CHML: variants seen among roughly 807,000 people sequenced by gnomAD.
CHML encodes CHM like Rab escort protein.
CHML carries 20 observed loss-of-function variants against 30.4 expected under a neutral mutation model. The ratio of observed to expected loss-of-function variants is 0.66; its 90% CI spans 0.46 to 0.95. The LOEUF (loss-of-function observed/expected upper bound fraction) is 0.95. CHML is among the 40% of genes least tolerant of loss of function. The pLI is 0.00. For missense variants in CHML, 795 were observed against 768.5 expected (o/e 1.03, Z -0.41); for synonymous variants, 281 against 275.0 (o/e 1.02, Z -0.22).
intron 1 of CHML, among the ~76,000 whole-genome samples, chr1:241,639,618 G>T (rs536330824): frequency 3.3e-5 from 5 of 151,934 alleles, no homozygotes; most frequent in Non-Finnish European, 5.9e-5. Flanking sequence ...GGGTCAACGT[G>T]GGGGGCAGAT....
At position 241,629,633 on chromosome 1, in the gene CHML, C is replaced by T. The variant is rs557431676; in HGVS notation, c.*4163G>A. 5.3e-5 allele frequency: 8 copies of T among 152,130 alleles called. No individual in the cohort carries two copies. In the South Asian group the frequency reaches 1.5e-3, roughly 28 times the overall value. 9.4% of individuals were successfully genotyped at this position (152,130 alleles called of 1,614,324 possible). ...TTTAAAACTTTTTCTCTTAGTTGAT[C>T]TACCTTGCCAATTGCCATGAAGTTC... On this transcript the variant is annotated 3_prime_UTR_variant, in exon 2 of 2. Coordinates refer to ENST00000366553, the MANE Select transcript of CHML (RefSeq NM_001381853.1).
rs755036403 is a variant in CHML, at chr1:241,640,044, G to A, written c.-470C>T. 17 of 1,612,852 alleles carry A rather than the reference G, an allele frequency of 1.1e-5. No homozygotes were observed. Among genetic ancestry groups the A allele is most frequent in the East Asian group, 4.5e-5 (2 of 44,672 alleles). Reference sequence around the variant, plus strand: ...AGGAGGTGAGTGGGAGTGCGGAGCCGCTGGAACTTGTAGTAGAGGACGAGC... The same window carrying A: ...AGGAGGTGAGTGGGAGTGCGGAGCCACTGGAACTTGTAGTAGAGGACGAGC... On this transcript the variant is annotated 5_prime_UTR_variant, in exon 1 of 2. Transcript: ENST00000366553.
At position 241,635,930 on chromosome 1, in the gene CHML, T is replaced by A. The variant is rs1014011304; in HGVS notation, c.-164A>T. 3.6e-5 allele frequency: 23 copies of A among 642,612 alleles called. No homozygotes were observed. In the Admixed American group the frequency reaches 7.8e-4, roughly 22 times the overall value. 39.8% of individuals were successfully genotyped at this position (642,612 alleles called of 1,614,324 possible). On this transcript the variant is annotated 5_prime_UTR_variant, in exon 2 of 2. Coordinates refer to ENST00000366553, the MANE Select transcript of CHML (RefSeq NM_001381853.1). ...CCCTTTTAAAATATTTTTTTTCTTA[T>A]AAGTCAGTAGCATAAAAACATGAGC...
Position 241,630,133 on chromosome 1 carries a change from T to G in CHML, c.*3663A>C, listed in dbSNP as rs538472015. The G allele has an allele frequency of 6.6e-5, 10 of 152,072 alleles. No individual in the cohort carries two copies. Among genetic ancestry groups the G allele is most frequent in the Non-Finnish European group, 1.3e-4 (9 of 67,944 alleles). The allele number at this position is 152,072 out of a possible 1,614,324, so 9.4% of individuals were successfully genotyped here. On this transcript the variant is annotated 3_prime_UTR_variant, in exon 2 of 2. Coordinates refer to ENST00000366553, the MANE Select transcript of CHML (RefSeq NM_001381853.1). ...TCCCCACAATAATTCTGTGAAGTAT[T>G]TCTCTTCTGTAGATGGTGAAATAGA...
In CHML at chr1:241,635,847, T is replaced by G; in HGVS notation, c.-81A>C. On this transcript the variant is annotated 5_prime_UTR_variant, in exon 2 of 2. Transcript: ENST00000366553. ...TATGCTGTAATAAAATCTGTCCTTC[T>G]GATGTTCCAGTTATCCCAGAAGCAC... is the stretch of plus-strand genomic sequence containing the variant. 3 of 1,392,360 alleles carry G rather than the reference T, an allele frequency of 2.2e-6. No homozygotes were observed. The South Asian group carries it at 4.2e-5, about 19-fold the overall frequency. The allele number at this position is 1,392,360 out of a possible 1,614,324, so 86.3% of individuals were successfully genotyped here.
Position 241,633,868 on chromosome 1 carries a change from T to C in CHML, c.1899A>G (p.Val633=). 6.2e-7 allele frequency: 1 copy of C among 1,613,890 alleles called. No individual in the cohort carries two copies. Among genetic ancestry groups the C allele is most frequent in the Non-Finnish European group, 8.5e-7 (1 of 1,179,794 alleles). The change falls in exon 2 of 2, where the codon GTA becomes GTG. Residue 633 remains valine (V), a synonymous_variant. Transcript: ENST00000366553. ...KQPEAPGTNN[V]VMAKLESSEE... The stretch of plus-strand genomic sequence containing the variant: ...CAGAGGATTCTAGTTTGGCCATTAC[T>C]ACATTATTGGTTCCAGGAGCCTCTG...
intron 1 of CHML, among the ~76,000 whole-genome samples, chr1:241,637,106 C>T (rs1188772800): frequency 6.6e-6 from 1 of 152,188 alleles, no homozygotes; most frequent in Non-Finnish European, 1.5e-5. Flanking sequence ...AGTCTTTAGG[C>T]TAAAGCAACA....
chr1:241,639,005 T>C (rs968558917), intron 1 of CHML, among the ~76,000 whole-genome samples: 3 of 152,232 alleles, frequency 2.0e-5, no homozygotes, highest in African/African-American at 7.2e-5. Flanking sequence ...AAAAAAATAA[T>C]TTCCTTTCTA....
Position 241,639,938 on chromosome 1 carries a change from C to T in CHML, c.-364G>A. 1 of 1,607,770 alleles carries T rather than the reference C, an allele frequency of 6.2e-7. No individual in the cohort carries two copies. The highest frequency in any genetic ancestry group is 8.5e-7 in the Non-Finnish European group (1 of 1,177,368). On this transcript the variant is annotated 5_prime_UTR_variant, in exon 1 of 2. Coordinates refer to ENST00000366553, the MANE Select transcript of CHML (RefSeq NM_001381853.1). ...GCAGCCCACGGTGTCCCACACCCAG[C>T]CGTTCCTCAGGCAGGACACGAAGGT...
At position 241,639,886 on chromosome 1, in the gene CHML, G is replaced by T; in HGVS notation, c.-312C>A. 2 of 1,574,244 alleles carry T rather than the reference G, an allele frequency of 1.3e-6. No individual in the cohort carries two copies. The highest frequency in any genetic ancestry group is 1.7e-6 in the Non-Finnish European group (2 of 1,159,426). ...CCTTCTCCCAGTCCAACTCACCGAA[G>T]AGGCTGCCGCTAAACCCGTCCCACA... is the stretch of plus-strand genomic sequence containing the variant. On this transcript the variant is annotated 5_prime_UTR_variant, in exon 1 of 2. Coordinates refer to ENST00000366553, the MANE Select transcript of CHML (RefSeq NM_001381853.1).
Position 241,633,700 on chromosome 1 carries a change from C to G in CHML, c.*96G>C, listed in dbSNP as rs1383361280. Reference sequence around the variant, plus strand: ...TCTGCATAGCATTCATCATATATAACCACTTCTAATTACTCATATGGGAAA... The same window carrying G: ...TCTGCATAGCATTCATCATATATAAGCACTTCTAATTACTCATATGGGAAA... On this transcript the variant is annotated 3_prime_UTR_variant, in exon 2 of 2. Transcript: ENST00000366553. 2 of 1,283,474 alleles carry G rather than the reference C, an allele frequency of 1.6e-6. No homozygotes were observed. Among genetic ancestry groups the G allele is most frequent in the East Asian group, 2.3e-5 (1 of 43,516 alleles). The allele number at this position is 1,283,474 out of a possible 1,614,324, so 79.5% of individuals were successfully genotyped here. A position where few individuals can be genotyped will look rare whatever the true frequency, so the allele number is the denominator to read the frequency against.
At chr1:241,638,280 A>T (rs1206274178) in intron 1 of CHML, among the ~76,000 whole-genome samples, 1 of 152,170 alleles carries the variant, frequency 6.6e-6, no homozygotes, top group Non-Finnish European at 1.5e-5. Context: ...AAAAACAGGA[A>T]GGGAGAAGTG....
intron 1 of CHML, among the ~76,000 whole-genome samples, chr1:241,638,994 CA>C (rs1432676875): frequency 1.3e-5 from 2 of 152,238 alleles, no homozygotes; most frequent in East Asian, 1.9e-4. Context: ...CTGAGGCACA[CA>C]AAAAAATAAT....
chr1:241,629,551 T>C lies in CHML; in HGVS notation c.*4245A>G, dbSNP rs965571223. ...AAAAACTGAGTGCATCCATGTGTAA[T>C]GCAAATAGCTTCTTTTAAATTCCAT... On this transcript the variant is annotated 3_prime_UTR_variant, in exon 2 of 2. Transcript: ENST00000366553. The C allele has an allele frequency of 5.9e-5, 9 of 152,130 alleles. No individual in the cohort carries two copies. The highest frequency in any genetic ancestry group is 2.2e-4 in the African/African-American group (9 of 41,428). 9.4% of individuals were successfully genotyped at this position (152,130 alleles called of 1,614,324 possible).
rs1307434922 is a variant in CHML, at chr1:241,629,471, G to A, written c.*4325C>T. 4 of 152,016 alleles carry A rather than the reference G, an allele frequency of 2.6e-5. No homozygotes were observed. The highest frequency in any genetic ancestry group is 4.4e-5 in the Non-Finnish European group (3 of 67,954). The allele number at this position is 152,016 out of a possible 1,614,324, so 9.4% of individuals were successfully genotyped here. On this transcript the variant is annotated 3_prime_UTR_variant, in exon 2 of 2. Transcript: ENST00000366553. ...TTTTTTATATCATTTATACACGATC[G>A]CTTTATAAATTTGCCTAAGAGTACA...
At position 241,629,009 on chromosome 1, in the gene CHML, C is replaced by A. The variant is rs565778765; in HGVS notation, c.*4787G>T. On this transcript the variant is annotated 3_prime_UTR_variant, in exon 2 of 2. Coordinates refer to ENST00000366553, the MANE Select transcript of CHML (RefSeq NM_001381853.1). ...AAATTTTCACATGTATCAGTAAACA[C>A]AATTTATGTTCTTATTAACATTTTT... 1 of 152,686 alleles carries A rather than the reference C, an allele frequency of 6.5e-6. No individual in the cohort carries two copies. The highest frequency in any genetic ancestry group is 1.5e-5 in the Non-Finnish European group (1 of 68,006). 9.5% of individuals were successfully genotyped at this position (152,686 alleles called of 1,614,324 possible).
chr1:241,636,282 T>C (rs769272147), intron 1 of CHML, among the ~76,000 whole-genome samples: 3 of 152,170 alleles, frequency 2.0e-5, no homozygotes, highest in Admixed American at 6.5e-5. Context: ...TCAGGCAACA[T>C]AGTAATAGAG....
Position 241,633,981 on chromosome 1 carries a change from G to C in CHML, c.1786C>G (p.Leu596Val). The C allele has an allele frequency of 6.2e-7, 1 of 1,613,966 alleles. No homozygotes were observed. Among genetic ancestry groups the C allele is most frequent in the Non-Finnish European group, 8.5e-7 (1 of 1,179,888 alleles). The change falls in exon 2 of 2, where the codon CTT (leucine) becomes GTT (valine). Residue 596 changes from leucine to valine, a missense_variant. By Grantham distance (32) the Leu-to-Val change is conservative (BLOSUM62 1). Coordinates refer to ENST00000366553, the MANE Select transcript of CHML (RefSeq NM_001381853.1). Reference sequence around the variant, plus strand: ...TCAGTTGGAAAGATCTCCTGGAAAAGTGTTTCAGCTTGCTTGACAGCATGC... The same window carrying C: ...TCAGTTGGAAAGATCTCCTGGAAAACTGTTTCAGCTTGCTTGACAGCATGC... ...NEHAVKQAET[L>V]FQEIFPTEEF...
rs1271793272 is a variant in CHML, at chr1:241,632,986, G to T, written c.*810C>A. 1.3e-5 allele frequency: 2 copies of T among 152,126 alleles called. No homozygotes were observed. Among genetic ancestry groups the T allele is most frequent in the East Asian group, 3.9e-4 (2 of 5,176 alleles). 9.4% of individuals were successfully genotyped at this position (152,126 alleles called of 1,614,324 possible). On this transcript the variant is annotated 3_prime_UTR_variant, in exon 2 of 2. Transcript: ENST00000366553. ...TCCTTTTGGTCTAAGTTACTTATTGGAAGCTATTTTAAGTGCCAGGGCAGG... is the reference window on the plus strand; with the variant it reads ...TCCTTTTGGTCTAAGTTACTTATTGTAAGCTATTTTAAGTGCCAGGGCAGG...
Sources: gnomAD v4.1 joint callset for allele counts (sites outside exome capture counted in the v4.1 genomes callset) on GRCh38, gnomAD v4.1.1 for gene constraint, MANE v1.5 for transcripts, NCBI Gene and HGNC (gene_info 2026-07-23, HGNC 2026-07-21) for gene names.